GTF2A2: variants seen among roughly 807,000 people sequenced by gnomAD.
GTF2A2 encodes transcription initiation factor IIA subunit 2.
GTF2A2 carries 9 observed loss-of-function variants against 14.3 expected under a neutral mutation model. The ratio of observed to expected loss-of-function variants is 0.63; its 90% confidence interval spans 0.38 to 1.10. The LOEUF is 1.10. Among genes scored for constraint, GTF2A2 ranks in the 50% least tolerant of loss-of-function variants. The pLI, the probability that GTF2A2 is intolerant of heterozygous loss-of-function variation, is 0.01. For synonymous variants in GTF2A2, 56 were observed against 46.0 expected, an observed-to-expected ratio of 1.22 and a Z score of -0.88; for missense variants, 90 against 124.6, an observed-to-expected ratio of 0.72 and a Z score of 1.32.
intron 3 of GTF2A2, among the ~76,000 whole-genome samples, chr15:59,643,072 A>AT (rs398043378): frequency 0.069 from 4,407 of 64,108 alleles, 262 homozygotes; most frequent in East Asian, 0.18. Flanking sequence ...GGCCTATATA[A>AT]TTTTTTTTTT....
intron 2 of GTF2A2, 56 bp downstream of exon 2, chr15:59,652,150 G>T (rs540587331): frequency 1.0e-6 from 1 of 965,882 alleles, no homozygotes; most frequent in Non-Finnish European, 1.6e-6. Flanking sequence ...GATATGACAA[G>T]AATTACTGTA....
intron 3 of GTF2A2, among the ~76,000 whole-genome samples, chr15:59,642,604 A>AAGTT (rs1369412016): frequency 4.6e-5 from 7 of 152,216 alleles, no homozygotes; most frequent in Non-Finnish European, 8.8e-5. Context: ...TATTTGTTAA[A>AAGTT]AGTTACATAT....
chr15:59,648,132 G>C (rs1371816725), intron 3 of GTF2A2, among the ~76,000 whole-genome samples: 1 of 151,926 alleles, frequency 6.6e-6, no homozygotes, highest in Non-Finnish European at 1.5e-5. Flanking sequence ...GTTATGGCCG[G>C]GTGCGGTACC....
At chr15:59,650,493 T>C (rs1250447052) in intron 3 of GTF2A2, among the ~76,000 whole-genome samples, 176 bp downstream of exon 3, 1 of 152,230 alleles carries the variant, frequency 6.6e-6, no homozygotes, top group Non-Finnish European at 1.5e-5. Flanking sequence ...ATTAAGTGGA[T>C]CAACTTAGTT....
At chr15:59,642,302 TTCC>T (rs770569483) in intron 3 of GTF2A2, 40 bp from the exon 4 acceptor site, 8 of 1,544,722 alleles carry the variant, frequency 5.2e-6, no homozygotes, top group Middle Eastern at 3.4e-4. Context: ...GAAACGTTTT[TTCC>T]CCTCACATTT....
chr15:59,649,490 G>A (rs1891725160), intron 3 of GTF2A2, among the ~76,000 whole-genome samples: 1 of 152,134 alleles, frequency 6.6e-6, no homozygotes, highest in East Asian at 1.9e-4. Flanking sequence ...TCTTATTAGA[G>A]CAAAATTTAT....
intron 4 of GTF2A2, among the ~76,000 whole-genome samples, chr15:59,641,013 A>G (rs1480977849): frequency 6.6e-6 from 1 of 152,170 alleles, no homozygotes; most frequent in African/African-American, 2.4e-5. Context: ...GATATCTGGA[A>G]GAGACTATTT....
At chr15:59,648,916 A>G (rs1327045123) in intron 3 of GTF2A2, among the ~76,000 whole-genome samples, 2 of 152,210 alleles carry the variant, frequency 1.3e-5, no homozygotes, top group Non-Finnish European at 2.9e-5. Flanking sequence ...CCTGGGCGAC[A>G]GAGCAAGACT....
chr15:59,642,239 G>A lies in GTF2A2; in HGVS notation c.201C>T (p.Phe67=), dbSNP rs755033629. ...NFRGSLNTYR[F]CDNVWTFVLN... ...GTACAAAAGTCCACACATTATCGCA[G>A]AATCTGTACGTATTTAGAGAGCCCT... The change falls in exon 4 of 5, where the codon TTC becomes TTT. Residue 67 remains phenylalanine (F), a synonymous_variant. Transcript: ENST00000396060. 1 of 1,608,700 alleles carries A rather than the reference G, an allele frequency of 6.2e-7. No individual in the cohort carries two copies.
rs774641060 is a variant in GTF2A2 at position 59,652,214 on chromosome 15, G to A, written c.64C>T (p.Leu22Phe). The A allele has an allele frequency of 1.3e-6, 2 of 1,568,730 alleles. No individual in the cohort carries two copies. The highest frequency in any genetic ancestry group is 1.8e-6 in the Non-Finnish European group (2 of 1,140,850). ...GNSLQESLDE[L>F]IQSQQITPQL... ...TTAATTCAGTCTCCCACCTGTATGA[G>A]CTCATCTAGGCTCTCCTGAAGACTG... Residue 22 changes from leucine to phenylalanine, a missense_variant, in exon 2 of 5, where the codon CTC becomes TTC. Leu to Phe is a conservative substitution (Grantham distance 22). Transcript: ENST00000396060.
Position 59,638,939 on chromosome 15 carries a change from T to G in GTF2A2, c.*193A>C. ...AACTTTTGTCCTTAAAAAAAAGTTA[T>G]GGTTTTTCATGCTGTATAATAAAGG... On this transcript the variant is annotated 3_prime_UTR_variant, in exon 5 of 5. Coordinates refer to ENST00000396060, the MANE Select transcript of GTF2A2 (RefSeq NM_004492.3). The G allele has an allele frequency of 2.0e-6, 1 of 497,276 alleles. No homozygotes were observed. The highest frequency in any genetic ancestry group is 2.0e-5 in the African/African-American group (1 of 50,456). The allele number at this position is 497,276 out of a possible 1,614,324, so 30.8% of individuals were successfully genotyped here.
chr15:59,645,585 A>G (rs1891577060), intron 3 of GTF2A2, among the ~76,000 whole-genome samples: 2 of 152,212 alleles, frequency 1.3e-5, no homozygotes, highest in African/African-American at 4.8e-5. Context: ...ACGTTAAGGG[A>G]AAAAGACACA....
intron 4 of GTF2A2, among the ~76,000 whole-genome samples, chr15:59,640,769 T>C (rs1467947033): frequency 2.0e-5 from 3 of 152,078 alleles, no homozygotes; most frequent in Non-Finnish European, 2.9e-5. Context: ...ATGAAAAAAA[T>C]TGTACACAAT....
chr15:59,642,023 A>G (rs1331806141), intron 4 of GTF2A2, 113 bp downstream of exon 4: 1 of 817,100 alleles, frequency 1.2e-6, no homozygotes, highest in East Asian at 2.7e-5. Flanking sequence ...TTATCTGGGA[A>G]TTGATCATAG....
chr15:59,641,064 A>C (rs1200598616), intron 4 of GTF2A2, among the ~76,000 whole-genome samples: 1 of 152,162 alleles, frequency 6.6e-6, no homozygotes, highest in African/African-American at 2.4e-5. Flanking sequence ...ATAGCTACTA[A>C]AAATCAGGCT....
At chr15:59,639,798 T>TGGAGTGCA (rs1891336901) in intron 4 of GTF2A2, among the ~76,000 whole-genome samples, 1 of 152,062 alleles carries the variant, frequency 6.6e-6, no homozygotes, top group Non-Finnish European at 1.5e-5. Flanking sequence ...TTGCCCAGGC[T>TGGAGTGCA]GGAGTGCAGT....
chr15:59,656,077 C>T (rs1008584303), intron 1 of GTF2A2, among the ~76,000 whole-genome samples: 6 of 152,134 alleles, frequency 3.9e-5, no homozygotes, highest in Non-Finnish European at 5.9e-5. Flanking sequence ...ACATACCTCT[C>T]CTCTATTCAA....
At chr15:59,640,323 C>T (rs1320783851) in intron 4 of GTF2A2, 3 of 152,168 alleles carry the variant, frequency 2.0e-5, no homozygotes, top group African/African-American at 7.2e-5. Context: ...AAATACGTAT[C>T]TTTACATGGA....
At chr15:59,653,572 G>A (rs1891857323) in intron 1 of GTF2A2, among the ~76,000 whole-genome samples, 1 of 151,532 alleles carries the variant, frequency 6.6e-6, no homozygotes, top group South Asian at 2.1e-4. Flanking sequence ...CTGTTGAACT[G>A]CCCTAAGTTT....
Sources: gnomAD v4.1 joint callset for allele counts (sites outside exome capture counted in the v4.1 genomes callset) on GRCh38, gnomAD v4.1.1 for gene constraint, MANE v1.5 for transcripts, NCBI Gene and HGNC (gene_info 2026-07-23, HGNC 2026-07-21) for gene names.